CNTNAP2: variants seen among roughly 807,000 people sequenced by gnomAD.
CNTNAP2 encodes contactin associated protein 2, also known as contactin-associated protein-like 2.
A neutral mutation model predicts 155.2 loss-of-function variants in CNTNAP2; 98 were observed. That is an observed-to-expected ratio of 0.63 (90% CI 0.54 to 0.75). CNTNAP2 has a LOEUF of 0.75. Ranked by LOEUF, CNTNAP2 falls within the 30% of genes least tolerant of loss-of-function variation. The pLI is 0.00. For synonymous variants in CNTNAP2, 651 were observed against 631.2 expected (o/e 1.03, Z -0.47); for missense variants, 1,727 against 1,688.1 (o/e 1.02, Z -0.40).
intron 14 of CNTNAP2, among the ~76,000 whole-genome samples, chr7:147,960,235 A>G (rs1214564572): frequency 6.6e-6 from 1 of 152,088 alleles, no homozygotes; most frequent in African/African-American, 2.4e-5. Flanking sequence ...GTTTTTATGG[A>G]GGGCTAGGAG....
At chr7:148,089,489 A>G (rs1803797207) in intron 15 of CNTNAP2, among the ~76,000 whole-genome samples, 1 of 152,026 alleles carries the variant, frequency 6.6e-6, no homozygotes, top group Non-Finnish European at 1.5e-5. Flanking sequence ...AAAAATCAAC[A>G]GCATTTCTAT....
intron 4 of CNTNAP2, among the ~76,000 whole-genome samples, chr7:147,049,568 AT>A (rs1799433902): frequency 6.6e-6 from 1 of 152,064 alleles, no homozygotes; most frequent in Non-Finnish European, 1.5e-5. Context: ...ACAGCCCCCC[AT>A]TTTGGCTTCC....
chr7:147,727,052 A>G (rs1796655876), intron 13 of CNTNAP2, among the ~76,000 whole-genome samples: 2 of 151,850 alleles, frequency 1.3e-5, no homozygotes, highest in African/African-American at 4.8e-5. Flanking sequence ...TCCAACCTCA[A>G]CAAAATTGTA....
At chr7:147,478,157 T>G (rs1351815359) in intron 10 of CNTNAP2, among the ~76,000 whole-genome samples, 1 of 152,114 alleles carries the variant, frequency 6.6e-6, no homozygotes, top group Non-Finnish European at 1.5e-5. Flanking sequence ...TCTTTCTTTT[T>G]TTTTGGGTGG....
intron 10 of CNTNAP2, among the ~76,000 whole-genome samples, chr7:147,412,415 G>A (rs539959731): frequency 6.6e-6 from 1 of 152,200 alleles, no homozygotes; most frequent in Non-Finnish European, 1.5e-5. Context: ...TCAATTCATA[G>A]ATAAACTCCA....
At chr7:147,149,525 G>A (rs978630466) in intron 8 of CNTNAP2, among the ~76,000 whole-genome samples, 7 of 152,208 alleles carry the variant, frequency 4.6e-5, no homozygotes, top group South Asian at 2.1e-4. Context: ...GCCAGATTAT[G>A]GAAGGTATAA....
At chr7:146,686,580 A>C (rs1800604778) in intron 1 of CNTNAP2, among the ~76,000 whole-genome samples, 1 of 152,178 alleles carries the variant, frequency 6.6e-6, no homozygotes, top group South Asian at 2.1e-4. Flanking sequence ...GGCACAGATC[A>C]TCGGCAAGTC....
chr7:147,252,171 A>G (rs1804213694), intron 8 of CNTNAP2, among the ~76,000 whole-genome samples: 1 of 152,140 alleles, frequency 6.6e-6, no homozygotes, highest in Admixed American at 6.6e-5. Flanking sequence ...CATTTGGGTG[A>G]GGGGTGGTGG....
chr7:147,916,564 A>G (rs145155429), intron 14 of CNTNAP2, among the ~76,000 whole-genome samples: 1 of 148,028 alleles, frequency 6.8e-6, no homozygotes, highest in African/African-American at 2.5e-5. Flanking sequence ...GAAAAGCAGA[A>G]CTAAGATTCA....
chr7:147,222,298 A>C (rs1000319204), intron 8 of CNTNAP2, among the ~76,000 whole-genome samples: 6 of 150,824 alleles, frequency 4.0e-5, no homozygotes, highest in African/African-American at 1.5e-4. Flanking sequence ...TATGCTTTTC[A>C]ATTTTGGAGG....
intron 8 of CNTNAP2, among the ~76,000 whole-genome samples, chr7:147,265,523 C>A (rs1446266118): frequency 6.6e-6 from 1 of 152,176 alleles, no homozygotes; most frequent in Admixed American, 6.5e-5. Flanking sequence ...GGCCTGAGCC[C>A]CTAGTGGGAG....
In CNTNAP2 at chr7:147,225,819, G is replaced by A. The variant is rs193019182; in HGVS notation, c.1349-74322G>A. Among the ~76,000 whole-genome samples the A allele has an allele frequency of 1.7e-4, 22 of 127,128 alleles. No individual in the cohort carries two copies. The East Asian group carries it at 4.3e-3, about 25-fold the overall frequency. 83.4% of individuals were successfully genotyped at this position (127,128 alleles called of 152,430 possible). The stretch of plus-strand genomic sequence containing the variant: ...GGAAGGAAAGAAAGAAAGAAGGAAA[G>A]AAGGAAAGAAGGAAGGAAGGAGGGA... On this transcript the variant is annotated intron_variant, in intron 8 of 23. Transcript: ENST00000361727.
chr7:147,407,393 G>A (rs113719025), intron 10 of CNTNAP2, among the ~76,000 whole-genome samples: 34,276 of 144,450 alleles, frequency 0.24, 4,384 homozygotes, highest in African/African-American at 0.33. Context: ...GCGTGAACCC[G>A]GGAGGTGGAG....
chr7:148,270,403 T>A (rs998142983), intron 21 of CNTNAP2, among the ~76,000 whole-genome samples: 5 of 152,092 alleles, frequency 3.3e-5, no homozygotes, highest in Admixed American at 3.3e-4. Context: ...AATTCCAAGA[T>A]GGAAATGGTG....
intron 18 of CNTNAP2, among the ~76,000 whole-genome samples, chr7:148,174,408 G>T (rs1794894306): frequency 8.1e-6 from 1 of 123,634 alleles, no homozygotes; most frequent in Non-Finnish European, 1.7e-5. Context: ...CTGCACAGCA[G>T]TTCCTGTGAC....
At chr7:147,288,546 A>G (rs1805232537) in intron 8 of CNTNAP2, among the ~76,000 whole-genome samples, 2 of 152,230 alleles carry the variant, frequency 1.3e-5, no homozygotes, top group South Asian at 4.1e-4. Flanking sequence ...CAGTCATAAG[A>G]AATCAGAGAA....
At chr7:147,409,387 T>C (rs952385603) in intron 10 of CNTNAP2, among the ~76,000 whole-genome samples, 1 of 152,142 alleles carries the variant, frequency 6.6e-6, no homozygotes, top group African/African-American at 2.4e-5. Context: ...TTACACAATA[T>C]ACAAAAATTA....
At position 147,772,315 on chromosome 7, in the gene CNTNAP2, G is replaced by A. The variant is rs1797482500; in HGVS notation, c.2099-131250G>A. ...GCCTGTAATCCCAGCTACTCGGGAG[G>A]CTGAGGCAGGAGAATCACTTAAACC... is the stretch of plus-strand genomic sequence containing the variant. On this transcript the variant is annotated intron_variant, in intron 13 of 23. Transcript: ENST00000361727. Among the ~76,000 whole-genome samples, 3 of 150,494 alleles carry A rather than the reference G, an allele frequency of 2.0e-5. No individual in the cohort carries two copies. The South Asian group carries it at 6.3e-4, about 32-fold the overall frequency.
At chr7:146,519,914 A>T (rs1314007602) in intron 1 of CNTNAP2, among the ~76,000 whole-genome samples, 2 of 151,856 alleles carry the variant, frequency 1.3e-5, no homozygotes, top group Non-Finnish European at 2.9e-5. Context: ...CTCTCTGAGG[A>T]ATTCAGGGAA....
Sources: allele counts gnomAD v4.1 joint callset (sites outside exome capture counted in the v4.1 genomes callset), GRCh38; gene constraint gnomAD v4.1.1; transcripts MANE v1.5; gene names NCBI Gene and HGNC (gene_info 2026-07-23, HGNC 2026-07-21).